FUT8: variants seen among roughly 807,000 people sequenced by gnomAD.
FUT8 encodes the protein fucosyltransferase 8.
A neutral mutation model predicts 71.3 loss-of-function variants in FUT8; 29 were observed. The observed-to-expected ratio is 0.41, with a 90% CI of 0.30 to 0.55. The LOEUF (loss-of-function observed/expected upper bound fraction) is 0.55. Among genes scored for constraint, FUT8 ranks in the 20% least tolerant of loss-of-function variants. The probability of loss-of-function intolerance (pLI) is 0.34; values close to 1 mark genes in which losing one functional copy is unlikely to be tolerated. For synonymous variants in FUT8, 254 were observed against 239.3 expected, an observed-to-expected ratio of 1.06 and a Z score of -0.57; for missense variants, 544 against 702.1, an observed-to-expected ratio of 0.77 and a Z score of 2.55.
the FUT8 span, among the ~76,000 whole-genome samples, chr14:65,369,763 T>C: frequency 6.6e-6 from 1 of 152,204 alleles, no homozygotes; most frequent in African/African-American, 2.4e-5. The surrounding 1 kb of genome is among the most constrained non-coding windows in gnomAD (Gnocchi z 4.6). Flanking sequence ...AAGTGCCCAC[T>C]CCTTTCTCAG....
chr14:65,411,849 G>A (rs774237224), upstream of FUT8: 21 of 356,318 alleles, frequency 5.9e-5, no homozygotes, highest in Non-Finnish European at 1.0e-4. Context: ...GGCCTCGGCG[G>A]CACCCCTCGT....
intron 2 of FUT8, among the ~76,000 whole-genome samples, chr14:65,490,915 A>G (rs2066473561): frequency 6.6e-6 from 1 of 152,136 alleles, no homozygotes; most frequent in Non-Finnish European, 1.5e-5. Context: ...TTCTCACCAC[A>G]GTTTTACAGT....
intron 5 of FUT8, among the ~76,000 whole-genome samples, chr14:65,619,254 T>C (rs1889473830): frequency 6.6e-6 from 1 of 152,214 alleles, no homozygotes; most frequent in Non-Finnish European, 1.5e-5. Flanking sequence ...TCTTTGTGAG[T>C]TCACCACGAT....
At chr14:65,499,407 C>T (rs907927285) in intron 2 of FUT8, among the ~76,000 whole-genome samples, 1 of 151,970 alleles carries the variant, frequency 6.6e-6, no homozygotes, top group Non-Finnish European at 1.5e-5. Flanking sequence ...CTCAGGTTTA[C>T]CACTTTTTTT....
chr14:65,439,988 A>ATATATATATATG (rs2065627296), intron 1 of FUT8, among the ~76,000 whole-genome samples: 1 of 138,164 alleles, frequency 7.2e-6, no homozygotes, highest in Non-Finnish European at 1.5e-5. Context: ...ATATATATAT[A>ATATATATATATG]TATGTACACA....
intron 2 of FUT8, among the ~76,000 whole-genome samples, chr14:65,527,906 G>A (rs558216089): frequency 6.6e-6 from 1 of 152,292 alleles, no homozygotes; most frequent in South Asian, 2.1e-4. Flanking sequence ...TTGTTCCTCT[G>A]GAAGCTTCAT....
At chr14:65,378,837 G>GATT in the FUT8 span, among the ~76,000 whole-genome samples, 1 of 66,830 alleles carries the variant, frequency 1.5e-5, no homozygotes, top group Non-Finnish European at 2.7e-5. Flanking sequence ...TCACAAGAAG[G>GATT]TTTTTTTTTT....
At chr14:65,359,815 A>G in the FUT8 span, among the ~76,000 whole-genome samples, 54 of 151,602 alleles carry the variant, frequency 3.6e-4, no homozygotes, top group African/African-American at 1.3e-3. Flanking sequence ...TTCTGATTGC[A>G]TCCCTGCAAG....
At chr14:65,688,881 TG>T (rs1445393174) in intron 7 of FUT8, among the ~76,000 whole-genome samples, 1 of 152,218 alleles carries the variant, frequency 6.6e-6, no homozygotes, top group Non-Finnish European at 1.5e-5. Flanking sequence ...GCCTTCTTCC[TG>T]GTGTTTACCT....
At chr14:65,501,590 T>G (rs2066646377) in intron 2 of FUT8, among the ~76,000 whole-genome samples, 1 of 152,162 alleles carries the variant, frequency 6.6e-6, no homozygotes, top group African/African-American at 2.4e-5. Flanking sequence ...TTATTGGCAG[T>G]GTGAGGAAGC....
At chr14:65,460,449 G>C (rs2065954414) in intron 2 of FUT8, among the ~76,000 whole-genome samples, 1 of 152,186 alleles carries the variant, frequency 6.6e-6, no homozygotes, top group Non-Finnish European at 1.5e-5. Flanking sequence ...TTCTTGTCCT[G>C]TAATGCAACC....
intron 2 of FUT8, among the ~76,000 whole-genome samples, chr14:65,497,229 A>C (rs117833642): frequency 0.017 from 2,616 of 152,260 alleles, 32 homozygotes; most frequent in Middle Eastern, 0.048. Flanking sequence ...GATGTTCCTA[A>C]GATGAAAGAT....
chr14:65,553,761 G>A (rs2140013364), intron 2 of FUT8, among the ~76,000 whole-genome samples: 1 of 150,414 alleles, frequency 6.6e-6, no homozygotes, highest in African/African-American at 2.4e-5. Context: ...TTTTTTGACT[G>A]GCCTTCTTTA....
chr14:65,663,386 A>C (rs1892062956), intron 6 of FUT8, among the ~76,000 whole-genome samples: 1 of 151,744 alleles, frequency 6.6e-6, no homozygotes, highest in South Asian at 2.1e-4. Flanking sequence ...TTTTTTTTCT[A>C]GATACGTACT....
At chr14:65,642,949 T>TATG (rs1890909611) in intron 6 of FUT8, among the ~76,000 whole-genome samples, 1 of 152,214 alleles carries the variant, frequency 6.6e-6, no homozygotes, top group Non-Finnish European at 1.5e-5. Flanking sequence ...ATAGATACAC[T>TATG]TACTTCTTCA....
In FUT8 at chr14:65,483,462, T is replaced by C. The variant is rs1300575379; in HGVS notation, c.-228+27744T>C. 6.6e-6 allele frequency among the ~76,000 whole-genome samples: 1 copy of C among 152,228 alleles called. No individual in the cohort carries two copies. The highest frequency in any genetic ancestry group is 1.5e-5 in the Non-Finnish European group (1 of 68,038). On this transcript the variant is annotated intron_variant, in intron 2 of 10. Coordinates refer to ENST00000673929, the MANE Select transcript of FUT8 (RefSeq NM_001371533.1). The surrounding 1 kb of genome is among the most constrained non-coding windows in gnomAD (Gnocchi z 4.4). ...TCTCCGGAATGGCTTTACATTTCCA[T>C]ATGAATTTAAGAAACAGTATGTAAA...
chr14:65,739,486 A>G (rs1048638756), intron 10 of FUT8, among the ~76,000 whole-genome samples: 3 of 152,090 alleles, frequency 2.0e-5, no homozygotes, highest in Admixed American at 1.3e-4. Context: ...ACAGGTCTCT[A>G]AGGGTGTGGG....
intron 7 of FUT8, among the ~76,000 whole-genome samples, chr14:65,717,841 T>A (rs1895205213): frequency 6.6e-6 from 1 of 152,262 alleles, no homozygotes; most frequent in Non-Finnish European, 1.5e-5. Context: ...TTTATAGTTT[T>A]TTTTTCTTGA....
chr14:65,579,555 A>C (rs1282718349), intron 3 of FUT8, among the ~76,000 whole-genome samples: 1 of 152,190 alleles, frequency 6.6e-6, no homozygotes, highest in East Asian at 1.9e-4. Flanking sequence ...TAGATTAGGT[A>C]ATTGCTGTAT....
Sources: allele counts gnomAD v4.1 joint callset (sites outside exome capture counted in the v4.1 genomes callset), GRCh38; gene constraint gnomAD v4.1.1; non-coding constraint Gnocchi (gnomAD v3.1); transcripts MANE v1.5; gene names NCBI Gene and HGNC (gene_info 2026-07-23, HGNC 2026-07-21).